Variants in BACE2 observed in about 807,000 individuals in gnomAD.
The protein encoded by BACE2 is 56 kDa aspartic-like protease.
In BACE2, 17 loss-of-function variants were observed where a neutral mutation model predicts 46.2. The observed-to-expected ratio is 0.37, with a 90% confidence interval of 0.25 to 0.55. The LOEUF (loss-of-function observed/expected upper bound fraction) is 0.55. Among genes scored for constraint, BACE2 ranks in the 20% least tolerant of loss-of-function variants. The pLI is 0.82. For missense variants in BACE2, 595 were observed against 698.1 expected (o/e 0.85, Z 1.66); for synonymous variants, 277 against 295.9 (o/e 0.94, Z 0.66).
At chr21:41,215,051 G>A (rs963739206) in intron 1 of BACE2, among the ~76,000 whole-genome samples, 11 of 152,158 alleles carry the variant, frequency 7.2e-5, no homozygotes, top group Non-Finnish European at 1.2e-4. Context: ...GACAGGTCAG[G>A]GGAGAGCTCA....
At chr21:41,174,879 C>T (rs1161875968) in intron 1 of BACE2, among the ~76,000 whole-genome samples, 1 of 152,148 alleles carries the variant, frequency 6.6e-6, no homozygotes, top group African/African-American at 2.4e-5. Context: ...GTTAAGGTAA[C>T]AGATACTACC....
intron 1 of BACE2, among the ~76,000 whole-genome samples, chr21:41,216,861 AC>A (rs1986484927): frequency 6.6e-6 from 1 of 152,156 alleles, no homozygotes; most frequent in South Asian, 2.1e-4. Context: ...TGGTTGTGAA[AC>A]AGCTTCCACG....
chr21:41,196,704 A>C (rs924462452), intron 1 of BACE2, among the ~76,000 whole-genome samples: 1 of 152,170 alleles, frequency 6.6e-6, no homozygotes, highest in Non-Finnish European at 1.5e-5. Flanking sequence ...GAATGTCTGA[A>C]TTTGTTTTGC....
Position 41,280,351 on chromosome 21 carries a change from C to T in BACE2, c.*4727C>T, listed in dbSNP as rs918618499. ...CCAGCTCTGCTGAGCCAGCCCAGCCCATGCATTCCGAACATCCGACAGCTT... is the reference window on the plus strand; with the variant it reads ...CCAGCTCTGCTGAGCCAGCCCAGCCTATGCATTCCGAACATCCGACAGCTT... On this transcript the variant is annotated 3_prime_UTR_variant, in exon 9 of 9. Transcript: ENST00000330333. The T allele has an allele frequency of 6.6e-5, 10 of 152,318 alleles. No individual in the cohort carries two copies. Among genetic ancestry groups the T allele is most frequent in the African/African-American group, 2.4e-4 (10 of 41,470 alleles). 9.4% of individuals were successfully genotyped at this position (152,318 alleles called of 1,614,324 possible). A position where few individuals can be genotyped will look rare whatever the true frequency, so the allele number is the denominator to read the frequency against.
chr21:41,168,371 C>A lies in BACE2; in HGVS notation c.108C>A (p.Ala36=). Residue 36 remains alanine (A), a synonymous_variant, in exon 1 of 9, where the codon GCC becomes GCA. Coordinates refer to ENST00000330333, the MANE Select transcript of BACE2 (RefSeq NM_012105.5). ...PAPFTLPLRV[A]AATNRVVAPT... is the part of the protein sequence containing the mutation. Reference sequence around the variant, plus strand: ...CCTTCACGCTGCCCCTCCGGGTGGCCGCGGCCACGAACCGCGTAGTTGCGC... The same window carrying A: ...CCTTCACGCTGCCCCTCCGGGTGGCAGCGGCCACGAACCGCGTAGTTGCGC... 2 of 1,397,140 alleles carry A rather than the reference C, an allele frequency of 1.4e-6. No individual in the cohort carries two copies. The highest frequency in any genetic ancestry group is 1.9e-6 in the Non-Finnish European group (2 of 1,071,992). The allele number at this position is 1,397,140 out of a possible 1,614,324, so 86.5% of individuals were successfully genotyped here.
chr21:41,238,650 G>C (rs1259726231), intron 3 of BACE2, among the ~76,000 whole-genome samples: 1 of 152,018 alleles, frequency 6.6e-6, no homozygotes, highest in Non-Finnish European at 1.5e-5. Flanking sequence ...CATGTCCTTT[G>C]TAGGGACATG....
At chr21:41,179,832 G>A in intron 1 of BACE2, 1 of 422,184 alleles carries the variant, frequency 2.4e-6, no homozygotes, top group Non-Finnish European at 4.5e-6. Flanking sequence ...CTCCAGAAAT[G>A]TCCCTGACAC....
chr21:41,211,697 G>A (rs1375904495), intron 1 of BACE2, among the ~76,000 whole-genome samples: 7 of 152,204 alleles, frequency 4.6e-5, no homozygotes, highest in Non-Finnish European at 1.5e-5. Flanking sequence ...GAATCGTTGT[G>A]TTAAATGAGC....
chr21:41,191,349 A>G (rs1208113970), intron 1 of BACE2, among the ~76,000 whole-genome samples: 3 of 152,230 alleles, frequency 2.0e-5, no homozygotes, highest in African/African-American at 7.2e-5. Flanking sequence ...TTCTTTAGCC[A>G]TAAAGTGAGT....
chr21:41,249,119 A>C (rs186475167), intron 6 of BACE2, among the ~76,000 whole-genome samples: 122 of 151,916 alleles, frequency 8.0e-4, no homozygotes, highest in Non-Finnish European at 1.3e-3. Flanking sequence ...ACTAGTGGGC[A>C]TGTACACTTG....
chr21:41,175,354 G>A (rs936694561), intron 1 of BACE2: 5 of 152,188 alleles, frequency 3.3e-5, no homozygotes, highest in African/African-American at 1.2e-4. Flanking sequence ...CGATGCCCTG[G>A]GCAGCTCCAT....
intron 1 of BACE2, among the ~76,000 whole-genome samples, chr21:41,218,390 G>A (rs2123559492): frequency 6.6e-6 from 1 of 152,276 alleles, no homozygotes; most frequent in East Asian, 1.9e-4. Flanking sequence ...TAAAGGCCAT[G>A]GATAGGTGCT....
intron 6 of BACE2, among the ~76,000 whole-genome samples, chr21:41,248,463 A>C (rs968184845): frequency 2.6e-5 from 4 of 151,948 alleles, no homozygotes; most frequent in African/African-American, 4.8e-5. Flanking sequence ...TGAGCTCTGT[A>C]CCCCGTGTCC....
intron 1 of BACE2, among the ~76,000 whole-genome samples, chr21:41,208,357 G>A (rs1314809719): frequency 6.6e-6 from 1 of 152,222 alleles, no homozygotes; most frequent in African/African-American, 2.4e-5. Context: ...GTGACTGCAG[G>A]TGCCTGCACC....
rs1312806399 is a variant in BACE2 at position 41,277,584 on chromosome 21, TCACCCTTGCTG to T, written c.*1961_*1971del. Reference sequence around the variant, plus strand: ...AAGCCAACACCCCTAGATTGTGCCTTCACCCTTGCTGTGAAAAATTCAAAGCCCTGAAATAA... The same window carrying T: ...AAGCCAACACCCCTAGATTGTGCCTTTGAAAAATTCAAAGCCCTGAAATAA... On this transcript the variant is annotated 3_prime_UTR_variant, in exon 9 of 9. Coordinates refer to ENST00000330333, the MANE Select transcript of BACE2 (RefSeq NM_012105.5). 1 of 152,236 alleles carries T rather than the reference TCACCCTTGCTG, an allele frequency of 6.6e-6. No homozygotes were observed. Among genetic ancestry groups the T allele is most frequent in the Non-Finnish European group, 1.5e-5 (1 of 68,054 alleles). The allele number at this position is 152,236 out of a possible 1,614,324, so 9.4% of individuals were successfully genotyped here.
chr21:41,270,055 C>G (rs6517659), intron 8 of BACE2, among the ~76,000 whole-genome samples: 1 of 152,020 alleles, frequency 6.6e-6, no homozygotes, highest in South Asian at 2.1e-4. Context: ...GCGGTCTCAT[C>G]GTGGCTTTAA....
At chr21:41,245,938 T>C in intron 5 of BACE2, 24 bp from the exon 6 acceptor site, 2 of 1,578,638 alleles carry the variant, frequency 1.3e-6, no homozygotes, top group Non-Finnish European at 1.7e-6. Context: ...CTCACGCACC[T>C]TTCCCTTTCT....
chr21:41,275,149 C>G (rs1011734070), intron 8 of BACE2, among the ~76,000 whole-genome samples: 1 of 152,102 alleles, frequency 6.6e-6, no homozygotes, highest in African/African-American at 2.4e-5. Flanking sequence ...GGCTCGGTAC[C>G]CACACACCTT....
intron 4 of BACE2, 26 bp from the exon 5 acceptor site, chr21:41,243,350 A>G (rs904537893): frequency 1.3e-6 from 2 of 1,560,260 alleles, no homozygotes; most frequent in African/African-American, 2.7e-5. Context: ...TTTTTCTCTT[A>G]TACCTGTAAA....
Sources: gnomAD v4.1 joint callset for allele counts (sites outside exome capture counted in the v4.1 genomes callset) on GRCh38, gnomAD v4.1.1 for gene constraint, MANE v1.5 for transcripts, NCBI Gene and HGNC (gene_info 2026-07-23, HGNC 2026-07-21) for gene names.